PELI2: variants seen among roughly 807,000 people sequenced by gnomAD.
The protein encoded by PELI2 is pellino E3 ubiquitin protein ligase family member 2.
Under a neutral mutation model 42.3 loss-of-function variants are expected in PELI2, and 23 were observed. The observed-to-expected ratio is 0.54, with a 90% CI of 0.39 to 0.77. The LOEUF (loss-of-function observed/expected upper bound fraction) is 0.77, where lower values mean the gene tolerates loss of function less well. Among genes scored for constraint, PELI2 ranks in the 30% least tolerant of loss-of-function variants. The pLI is 0.00. For synonymous variants in PELI2, 245 were observed against 212.2 expected (o/e 1.15, Z -1.34); for missense variants, 463 against 553.2 (o/e 0.84, Z 1.64).
At chr14:56,220,984 G>A (rs144506150) in intron 2 of PELI2, among the ~76,000 whole-genome samples, 1 of 152,116 alleles carries the variant, frequency 6.6e-6, no homozygotes. Flanking sequence ...CATAGCCCTC[G>A]TTTATAAGCC....
chr14:56,144,670 TTATAAAATTTTGTAAAGATGATG>T (rs1320559645), intron 1 of PELI2, among the ~76,000 whole-genome samples: 4 of 152,218 alleles, frequency 2.6e-5, no homozygotes, highest in African/African-American at 7.2e-5. Context: ...ATAGATATGA[TTATAAAATTTTGTAAAGATGATG>T]TATAAAATTT....
intron 2 of PELI2, among the ~76,000 whole-genome samples, chr14:56,258,117 A>T (rs1888583532): frequency 6.6e-6 from 1 of 152,210 alleles, no homozygotes. Flanking sequence ...GGGAAATCGG[A>T]TAGAGTCTGC....
At chr14:56,271,925 G>C (rs1192252174) in intron 2 of PELI2, among the ~76,000 whole-genome samples, 1 of 152,172 alleles carries the variant, frequency 6.6e-6, no homozygotes, top group Admixed American at 6.5e-5. Context: ...ATTTTGCGGG[G>C]ACCTGAAAGG....
chr14:56,240,175 G>A (rs142650068), intron 2 of PELI2, among the ~76,000 whole-genome samples: 29 of 152,250 alleles, frequency 1.9e-4, no homozygotes, highest in Admixed American at 6.5e-4. Flanking sequence ...TGTGTGACAC[G>A]ATCAGATTTG....
At chr14:56,229,323 C>G (rs1169521430) in intron 2 of PELI2, among the ~76,000 whole-genome samples, 1 of 152,206 alleles carries the variant, frequency 6.6e-6, no homozygotes, top group Non-Finnish European at 1.5e-5. Context: ...CTGAGTAGCC[C>G]AACTGGAAGA....
rs1336801231 is a variant in PELI2 at position 56,300,822 on chromosome 14, C to T, written c.*3656C>T. The T allele has an allele frequency of 2.0e-5, 3 of 152,216 alleles. No homozygotes were observed. The East Asian group carries it at 5.8e-4, about 29-fold the overall frequency. 9.4% of individuals were successfully genotyped at this position (152,216 alleles called of 1,614,324 possible). On this transcript the variant is annotated 3_prime_UTR_variant, in exon 6 of 6. Coordinates refer to ENST00000267460, the MANE Select transcript of PELI2 (RefSeq NM_021255.3). ...CCTTTGTGGCTTAGGTTATGATGCGCCTCCTTCTGTGCGACCAATGAGACG... is the reference window on the plus strand; with the variant it reads ...CCTTTGTGGCTTAGGTTATGATGCGTCTCCTTCTGTGCGACCAATGAGACG...
chr14:56,285,841 G>C (rs1189572990), intron 3 of PELI2, among the ~76,000 whole-genome samples: 1 of 152,108 alleles, frequency 6.6e-6, no homozygotes, highest in African/African-American at 2.4e-5. Flanking sequence ...GGGCTTGCTT[G>C]CAGGTGAAGG....
intron 1 of PELI2, among the ~76,000 whole-genome samples, chr14:56,148,740 T>C (rs1462173030): frequency 6.6e-6 from 1 of 152,182 alleles, no homozygotes; most frequent in Admixed American, 6.5e-5. Flanking sequence ...ACTGTAGCAG[T>C]GTGTTTGCTT....
At chr14:56,208,786 A>T (rs1319340211) in intron 2 of PELI2, among the ~76,000 whole-genome samples, 1 of 152,236 alleles carries the variant, frequency 6.6e-6, no homozygotes, top group African/African-American at 2.4e-5. Context: ...CAGTTGTTTT[A>T]CTTGCAAGCT....
chr14:56,186,702 C>T (rs1410265315), intron 2 of PELI2, among the ~76,000 whole-genome samples: 2 of 152,100 alleles, frequency 1.3e-5, no homozygotes, highest in East Asian at 3.9e-4. Context: ...GAAAGCTTGA[C>T]TCTAGCACTC....
At chr14:56,205,439 G>C (rs916628351) in intron 2 of PELI2, among the ~76,000 whole-genome samples, 2 of 152,138 alleles carry the variant, frequency 1.3e-5, no homozygotes, top group Admixed American at 1.3e-4. Context: ...ATTCAGCAGG[G>C]AAGAGTTGAT....
At chr14:56,145,109 C>A in intron 1 of PELI2, 1 of 257,748 alleles carries the variant, frequency 3.9e-6, no homozygotes, top group Non-Finnish European at 6.1e-6. Context: ...GTTCTGCAGG[C>A]TGTGCAGGTA....
chr14:56,245,558 G>A (rs1888121552), intron 2 of PELI2, among the ~76,000 whole-genome samples: 1 of 152,156 alleles, frequency 6.6e-6, no homozygotes, highest in Non-Finnish European at 1.5e-5. Flanking sequence ...AAGGGTTGGA[G>A]AGTTGTTATT....
At chr14:56,150,734 C>T (rs751666103) in intron 1 of PELI2, among the ~76,000 whole-genome samples, 3 of 152,096 alleles carry the variant, frequency 2.0e-5, no homozygotes, top group Non-Finnish European at 2.9e-5. Context: ...TGAGTAAAAA[C>T]GACAAAGAAG....
At position 56,131,026 on chromosome 14, in the gene PELI2, C is replaced by T. The variant is rs531474992; in HGVS notation, c.77+12289C>T. On this transcript the variant is annotated intron_variant, in intron 1 of 5. Transcript: ENST00000267460. ...AAGGTCTATCTTTGCCTGGGACTAA[C>T]GTCGCTGTTATGTTGATTTTTCCTT... Among the ~76,000 whole-genome samples the T allele has an allele frequency of 1.3e-4, 20 of 152,260 alleles. No individual in the cohort carries two copies. The South Asian group carries it at 3.7e-3, about 28-fold the overall frequency.
At chr14:56,169,008 G>T (rs974609085) in intron 1 of PELI2, among the ~76,000 whole-genome samples, 33 of 152,082 alleles carry the variant, frequency 2.2e-4, no homozygotes, top group African/African-American at 8.0e-4. Context: ...TCATGACTCT[G>T]ACTGGTGCCC....
rs149905301 is a variant in PELI2 at position 56,172,074 on chromosome 14, G to T, written c.78-6261G>T. ...AGAGGATGACTGTGGGAAGGGTTTGGGGCTTCCTGTTCCAGGAATCTATTA... is the reference window on the plus strand; with the variant it reads ...AGAGGATGACTGTGGGAAGGGTTTGTGGCTTCCTGTTCCAGGAATCTATTA... On this transcript the variant is annotated intron_variant, in intron 1 of 5. Transcript: ENST00000267460. Among the ~76,000 whole-genome samples the T allele has an allele frequency of 5.1e-3, 771 of 152,178 alleles. 3 individuals are homozygous for T. The highest frequency in any genetic ancestry group is 0.017 in the African/African-American group (722 of 41,540).
At chr14:56,166,324 TACTG>T (rs1391083092) in intron 1 of PELI2, among the ~76,000 whole-genome samples, 3 of 152,264 alleles carry the variant, frequency 2.0e-5, no homozygotes, top group Non-Finnish European at 4.4e-5. Flanking sequence ...TGTCTTATTG[TACTG>T]ACTATGTCTT....
chr14:56,269,667 G>A lies in PELI2; in HGVS notation c.208-10009G>A, dbSNP rs550660782. 3.9e-5 allele frequency among the ~76,000 whole-genome samples: 6 copies of A among 152,262 alleles called. 1 individual carries two copies. The South Asian group carries it at 8.3e-4, about 21-fold the overall frequency. ...ACAAAACTGAGGCCAGAGTACTTAC[G>A]TAACTTGCCCAGAGTCCTACAGCCA... is the stretch of plus-strand genomic sequence containing the variant. On this transcript the variant is annotated intron_variant, in intron 2 of 5. Coordinates refer to ENST00000267460, the MANE Select transcript of PELI2 (RefSeq NM_021255.3).
Sources: allele counts gnomAD v4.1 joint callset (sites outside exome capture counted in the v4.1 genomes callset), GRCh38; gene constraint gnomAD v4.1.1; transcripts MANE v1.5; gene names NCBI Gene and HGNC (gene_info 2026-07-23, HGNC 2026-07-21).